Variants in TBC1D8B observed in about 807,000 individuals in gnomAD.
The protein encoded by TBC1D8B is TBC1 domain family member 8B, also known as RP11-321G1.1.
In TBC1D8B, 75 loss-of-function variants were observed where a neutral mutation model predicts 82.9. The ratio of observed to expected loss-of-function variants is 0.90; its 90% CI spans 0.75 to 1.10. TBC1D8B has a LOEUF of 1.10. Among genes scored for constraint, TBC1D8B ranks in the 50% least tolerant of loss-of-function variants. The pLI, the probability that TBC1D8B is intolerant of heterozygous loss-of-function variation, is 0.00. For synonymous variants in TBC1D8B, 276 were observed against 276.8 expected, an observed-to-expected ratio of 1.00 and a Z score of 0.03; for missense variants, 794 against 796.9, an observed-to-expected ratio of 1.00 and a Z score of 0.04.
In TBC1D8B at chrX:106,876,088, ATATGT is replaced by A; in HGVS notation, c.*2127_*2131del. 1 of 111,887 alleles carries A rather than the reference ATATGT, an allele frequency of 8.9e-6. No individual in the cohort carries two copies. The highest frequency in any genetic ancestry group is 3.9e-4 in the South Asian group (1 of 2,576). The allele number at this position is 111,887 out of a possible 1,213,427, so 9.2% of individuals were successfully genotyped here. ...CATTATACCTTATGCATTAAATTAA[ATATGT>A]TATAAGGTGGCTTTACTTGTCTTTA... On this transcript the variant is annotated 3_prime_UTR_variant, in exon 21 of 21. Transcript: ENST00000357242.
chrX:106,861,316 G>A (rs1932773028), intron 14 of TBC1D8B, among the ~76,000 whole-genome samples: 1 of 111,592 alleles, frequency 9.0e-6, no homozygotes, highest in Non-Finnish European at 1.9e-5. Context: ...AATACTGTCA[G>A]TGGGGTGTTG....
intron 14 of TBC1D8B, among the ~76,000 whole-genome samples, chrX:106,859,991 A>T (rs1366465477): frequency 8.9e-6 from 1 of 111,869 alleles, no homozygotes; most frequent in East Asian, 2.8e-4. Flanking sequence ...GATGAATTGC[A>T]TTAATTGATT....
rs1446547248 is a variant in TBC1D8B at position 106,866,863 on chromosome X, G to T, written c.2728+1G>T. ...CTTTTTAAGCTACATATTCCTCCAG[G>T]TAAGAGTTTACCAGTCTTTAACGAT... On this transcript the variant is annotated splice_donor_variant, in intron 17 of 20. Coordinates refer to ENST00000357242, the MANE Select transcript of TBC1D8B (RefSeq NM_017752.3). LOFTEE classifies it high-confidence loss of function. The T allele has an allele frequency of 8.6e-7, 1 of 1,165,812 alleles. No homozygotes were observed. The highest frequency in any genetic ancestry group is 3.1e-5 in the East Asian group (1 of 32,605).
intron 7 of TBC1D8B, among the ~76,000 whole-genome samples, chrX:106,835,021 A>G (rs764060529): frequency 8.9e-6 from 1 of 111,968 alleles, no homozygotes; most frequent in African/African-American, 3.2e-5. Context: ...TAGCTCCACT[A>G]GGCAATGCTC....
intron 14 of TBC1D8B, among the ~76,000 whole-genome samples, chrX:106,863,669 G>A (rs1932794729): frequency 8.9e-6 from 1 of 112,128 alleles, no homozygotes; most frequent in Non-Finnish European, 1.9e-5. Context: ...TGCCAGCAGA[G>A]TTTAGGCAGA....
At chrX:106,816,358 A>G (rs918555910) in intron 1 of TBC1D8B, among the ~76,000 whole-genome samples, 3 of 111,803 alleles carry the variant, frequency 2.7e-5, no homozygotes, top group Non-Finnish European at 1.9e-5. Flanking sequence ...ATAGTTCTGA[A>G]GACACTATCT....
intron 1 of TBC1D8B, among the ~76,000 whole-genome samples, chrX:106,808,459 T>G (rs920876063): frequency 1.3e-4 from 15 of 112,107 alleles, no homozygotes; most frequent in African/African-American, 4.9e-4. Context: ...TTCCCCATGT[T>G]GTATATAGAA....
chrX:106,806,261 C>T (rs1012712458), intron 1 of TBC1D8B, among the ~76,000 whole-genome samples: 7 of 112,152 alleles, frequency 6.2e-5, no homozygotes, highest in Non-Finnish European at 9.4e-5. Flanking sequence ...TTCTGGCTCA[C>T]AGCAGGATGG....
At chrX:106,863,159 G>A (rs752044041) in intron 14 of TBC1D8B, among the ~76,000 whole-genome samples, 1 of 112,248 alleles carries the variant, frequency 8.9e-6, no homozygotes, top group African/African-American at 3.2e-5. Flanking sequence ...GTGCTCGTAG[G>A]AGCCTTTACC....
intron 1 of TBC1D8B, chrX:106,813,813 A>G (rs1341230872): frequency 9.1e-6 from 1 of 110,105 alleles, no homozygotes; most frequent in Non-Finnish European, 1.9e-5. Flanking sequence ...TCACATTCCT[A>G]TCTTCAAATT....
intron 4 of TBC1D8B, among the ~76,000 whole-genome samples, chrX:106,822,834 CA>C (rs745979696): frequency 0.019 from 984 of 53,155 alleles, 12 homozygotes; most frequent in African/African-American, 0.052. Context: ...TCTGTCTCTA[CA>C]AAAAAAAAAA....
Position 106,848,196 on chromosome X carries a change from T to G in TBC1D8B, c.1730T>G (p.Ile577Ser). Residue 577 changes from isoleucine (I) to serine (S), a missense_variant, in exon 11 of 21, where the codon ATT becomes AGT. Physicochemically the swap from Ile to Ser is moderately radical, Grantham distance 142. Coordinates refer to ENST00000357242, the MANE Select transcript of TBC1D8B (RefSeq NM_017752.3). ...PKIGYCQAMN[I>S]LTSVLLLYAK... ...TTCTATGAATTTTAGGCAATGAATA[T>G]TTTGACTTCAGTGCTGCTTCTATAT... 2 of 1,181,220 alleles carry G rather than the reference T, an allele frequency of 1.7e-6. No individual in the cohort carries two copies. Among genetic ancestry groups the G allele is most frequent in the Non-Finnish European group, 1.1e-6 (1 of 876,173 alleles).
At position 106,865,934 on chromosome X, in the gene TBC1D8B, C is replaced by T; in HGVS notation, c.2563C>T (p.His855Tyr). ...ALYHLLSPWAHSANKDSLALW... is the reference protein window; with the variant it reads ...ALYHLLSPWAYSANKDSLALW... ...GTATCACTTGTTGAGTCCCTGGGCT[C>T]ATTCTGCAAATAAAGACTCACTAGC... The change falls in exon 16 of 21, where the codon CAT (histidine) becomes TAT (tyrosine). Residue 855 changes from histidine (H) to tyrosine (Y), a missense_variant. Transcript: ENST00000357242. The T allele has an allele frequency of 8.3e-7, 1 of 1,210,500 alleles. No individual in the cohort carries two copies. Among genetic ancestry groups the T allele is most frequent in the Non-Finnish European group, 1.1e-6 (1 of 895,033 alleles).
chrX:106,803,023 G>A, intron 1 of TBC1D8B, 40 bp downstream of exon 1: 1 of 1,156,807 alleles, frequency 8.6e-7, no homozygotes, highest in Non-Finnish European at 1.2e-6. Context: ...GGCTGTGTTC[G>A]CTGTTACTTA....
intron 7 of TBC1D8B, chrX:106,830,136 A>T (rs1337396713): frequency 8.9e-6 from 1 of 112,275 alleles, no homozygotes; most frequent in Non-Finnish European, 1.9e-5. Context: ...TGGGCGAGGG[A>T]TATGAACAGA....
chrX:106,827,512 T>A, intron 7 of TBC1D8B, 175 bp downstream of exon 7: 1 of 447,479 alleles, frequency 2.2e-6, no homozygotes, highest in Non-Finnish European at 3.7e-6. Context: ...AAGTGAGAAT[T>A]AAGGACTTTA....
rs1420524517 is a variant in TBC1D8B at position 106,854,292 on chromosome X, A to G, written c.2348A>G (p.Asn783Ser). ...ACCCTAGAGGAAACAACAAAACAGA[A>G]TGTGGTAAGTATGCAACCAATGAGG... ...IQTLEETTKQ[N>S]VLRVVSQDVK... The change falls in exon 14 of 21, where the codon AAT becomes AGT. Residue 783 changes from asparagine to serine, a missense_variant. Transcript: ENST00000357242. 9 of 1,166,077 alleles carry G rather than the reference A, an allele frequency of 7.7e-6. No homozygotes were observed. Among genetic ancestry groups the G allele is most frequent in the Non-Finnish European group, 1.0e-5 (9 of 870,992 alleles).
In TBC1D8B at chrX:106,875,536, T is replaced by G. The variant is rs887820332; in HGVS notation, c.*1571T>G. 2 of 112,579 alleles carry G rather than the reference T, an allele frequency of 1.8e-5. No homozygotes were observed. Among genetic ancestry groups the G allele is most frequent in the African/African-American group, 6.4e-5 (2 of 31,070 alleles). 9.3% of individuals were successfully genotyped at this position (112,579 alleles called of 1,213,427 possible). ...ATCAACCTTGTCTTTTCAAGGAAAT[T>G]ACCACTTAAAGAGATAGTTGGTAAA... On this transcript the variant is annotated 3_prime_UTR_variant, in exon 21 of 21. Transcript: ENST00000357242.
At chrX:106,835,549 C>G (rs1932157230) in intron 7 of TBC1D8B, among the ~76,000 whole-genome samples, 1 of 112,409 alleles carries the variant, frequency 8.9e-6, no homozygotes, top group Non-Finnish European at 1.9e-5. Context: ...GCTTGAATTT[C>G]TCCCCAGAAA....
Sources: gnomAD v4.1 joint callset for allele counts (sites outside exome capture counted in the v4.1 genomes callset) on GRCh38, gnomAD v4.1.1 for gene constraint, MANE v1.5 for transcripts, NCBI Gene and HGNC (gene_info 2026-07-23, HGNC 2026-07-21) for gene names.